BACE2: variants seen among roughly 807,000 people sequenced by gnomAD.
The protein encoded by BACE2 is beta-secretase 2, also known as 56 kDa aspartic-like protease.
BACE2 carries 17 observed loss-of-function variants against 46.2 expected under a neutral mutation model. That is an observed-to-expected ratio of 0.37 (90% confidence interval 0.25 to 0.55). BACE2 has a LOEUF of 0.55. Ranked by LOEUF, BACE2 falls within the 20% of genes least tolerant of loss-of-function variation. The pLI, the probability that BACE2 is intolerant of heterozygous loss-of-function variation, is 0.82. For synonymous variants in BACE2, 277 were observed against 295.9 expected (o/e 0.94, Z 0.66); for missense variants, 595 against 698.1 (o/e 0.85, Z 1.66).
At chr21:41,211,965 G>T (rs1290177356) in intron 1 of BACE2, among the ~76,000 whole-genome samples, 2 of 152,244 alleles carry the variant, frequency 1.3e-5, no homozygotes, top group Admixed American at 1.3e-4. Flanking sequence ...GTGGCAGATT[G>T]GTGGCTAGAC....
intron 1 of BACE2, among the ~76,000 whole-genome samples, chr21:41,206,331 A>C (rs999245570): frequency 6.6e-6 from 1 of 152,182 alleles, no homozygotes; most frequent in African/African-American, 2.4e-5. Context: ...CTCCATCCTC[A>C]TGACCTAATC....
chr21:41,237,475 T>G, intron 2 of BACE2, 38 bp from the exon 3 acceptor site: 1 of 1,344,656 alleles, frequency 7.4e-7, no homozygotes, highest in Non-Finnish European at 1.0e-6. Flanking sequence ...TAAAATAAAA[T>G]AAAATGAATA....
At chr21:41,207,849 T>G (rs1350204339) in intron 1 of BACE2, among the ~76,000 whole-genome samples, 2 of 152,194 alleles carry the variant, frequency 1.3e-5, no homozygotes, top group Admixed American at 1.3e-4. Flanking sequence ...CAGACCCTGG[T>G]CGGGGGTGAT....
At chr21:41,210,100 A>C (rs1381657895) in intron 1 of BACE2, among the ~76,000 whole-genome samples, 1 of 151,696 alleles carries the variant, frequency 6.6e-6, no homozygotes, top group Non-Finnish European at 1.5e-5. Flanking sequence ...CTTGGATTTG[A>C]GTGATCTCTT....
intron 5 of BACE2, among the ~76,000 whole-genome samples, chr21:41,244,177 G>T (rs1438453134): frequency 6.6e-6 from 1 of 152,160 alleles, no homozygotes; most frequent in African/African-American, 2.4e-5. Context: ...AAACCATGGG[G>T]ATGTCATTAT....
At chr21:41,179,034 G>A in intron 1 of BACE2, 4 of 1,065,310 alleles carry the variant, frequency 3.8e-6, no homozygotes, top group South Asian at 3.3e-5. Context: ...GGGAAAGCGT[G>A]TCCCAGGCTG....
At chr21:41,219,238 G>A (rs1413868392) in intron 1 of BACE2, among the ~76,000 whole-genome samples, 1 of 152,188 alleles carries the variant, frequency 6.6e-6, no homozygotes, top group East Asian at 1.9e-4. Context: ...AAGAGAAGAG[G>A]TTAAGATATA....
chr21:41,201,487 C>G lies in BACE2; in HGVS notation c.313-24779C>G, dbSNP rs187019517. On this transcript the variant is annotated intron_variant, in intron 1 of 8. Coordinates refer to ENST00000330333, the MANE Select transcript of BACE2 (RefSeq NM_012105.5). The stretch of plus-strand genomic sequence containing the variant: ...ACAAAAAGGATTGGAATGTTTGGTA[C>G]AAAACCCAGCACTTAAAACCTATGA... Among the ~76,000 whole-genome samples, 26 of 152,354 alleles carry G rather than the reference C, an allele frequency of 1.7e-4. No homozygotes were observed. In the East Asian group the frequency reaches 5.0e-3, roughly 29 times the overall value.
chr21:41,272,091 C>A (rs1031113073), intron 8 of BACE2, among the ~76,000 whole-genome samples: 6 of 151,762 alleles, frequency 4.0e-5, no homozygotes, highest in Non-Finnish European at 7.4e-5. Flanking sequence ...GTATAGAGTT[C>A]TCGGTTGACA....
intron 1 of BACE2, among the ~76,000 whole-genome samples, chr21:41,174,138 C>CGTTTTTTTTTTTTTTTTTT: frequency 1.4e-5 from 1 of 70,650 alleles, no homozygotes; most frequent in South Asian, 6.3e-4. Context: ...TGATCAGTGG[C>CGTTTTTTTTTTTTTTTTTT]CTTTTTTTTT....
intron 2 of BACE2, among the ~76,000 whole-genome samples, chr21:41,237,185 C>T (rs113958769): frequency 1.1e-3 from 165 of 152,260 alleles, no homozygotes; most frequent in African/African-American, 3.8e-3. Flanking sequence ...CAGTGGCTCA[C>T]GCCTGTAATC....
At chr21:41,209,262 A>T (rs1195853150) in intron 1 of BACE2, among the ~76,000 whole-genome samples, 1 of 152,222 alleles carries the variant, frequency 6.6e-6, no homozygotes, top group Non-Finnish European at 1.5e-5. Flanking sequence ...TCCTATCAGC[A>T]GGAAAGTCCA....
chr21:41,200,792 G>A (rs1431276406), intron 1 of BACE2, among the ~76,000 whole-genome samples: 2 of 152,144 alleles, frequency 1.3e-5, no homozygotes, highest in African/African-American at 2.4e-5. Flanking sequence ...GCAAGAGGAC[G>A]GCCATCTGCA....
intron 8 of BACE2, among the ~76,000 whole-genome samples, chr21:41,270,218 A>G (rs759609107): frequency 6.6e-6 from 1 of 152,164 alleles, no homozygotes; most frequent in Non-Finnish European, 1.5e-5. Context: ...AGAGTTATTT[A>G]TATATGAAGA....
At chr21:41,223,108 C>T (rs1986705871) in intron 1 of BACE2, among the ~76,000 whole-genome samples, 3 of 152,258 alleles carry the variant, frequency 2.0e-5, no homozygotes, top group African/African-American at 7.2e-5. Flanking sequence ...AATCCCAGCA[C>T]TTTAGGAGGC....
At chr21:41,179,167 G>A (rs1369340754) in intron 1 of BACE2, 7 of 1,250,814 alleles carry the variant, frequency 5.6e-6, no homozygotes, top group Non-Finnish European at 7.3e-6. Context: ...AGGGTGAGGA[G>A]TGAGGGTGTC....
intron 2 of BACE2, among the ~76,000 whole-genome samples, chr21:41,236,062 G>A (rs974851765): frequency 6.6e-6 from 1 of 152,198 alleles, no homozygotes; most frequent in Non-Finnish European, 1.5e-5. Context: ...TGGGTGATTT[G>A]ATATTTAGCT....
rs560723757 is a variant in BACE2 at position 41,199,880 on chromosome 21, TC to T, written c.313-26383del. On this transcript the variant is annotated intron_variant, in intron 1 of 8. Coordinates refer to ENST00000330333, the MANE Select transcript of BACE2 (RefSeq NM_012105.5). Reference sequence around the variant, plus strand: ...TAGCCCTTCCATCATAACCTCTTCTTCCCACCTATGAGTGAGAACATGCGGT... The same window carrying T: ...TAGCCCTTCCATCATAACCTCTTCTTCCACCTATGAGTGAGAACATGCGGT... Among the ~76,000 whole-genome samples, 344 of 152,178 alleles carry T rather than the reference TC, an allele frequency of 2.3e-3. 5 individuals are homozygous for T. The highest frequency in any genetic ancestry group is 8.0e-3 in the African/African-American group (332 of 41,522).
At chr21:41,224,711 G>C (rs1486898744) in intron 1 of BACE2, among the ~76,000 whole-genome samples, 1 of 152,140 alleles carries the variant, frequency 6.6e-6, no homozygotes, top group Non-Finnish European at 1.5e-5. Flanking sequence ...TGGGATACAG[G>C]GCAACAGCCC....
Sources: allele counts gnomAD v4.1 joint callset (sites outside exome capture counted in the v4.1 genomes callset), GRCh38; gene constraint gnomAD v4.1.1; transcripts MANE v1.5; gene names NCBI Gene and HGNC (gene_info 2026-07-23, HGNC 2026-07-21).